The following TCF20 variants were observed in gnomAD, a reference collection of about 807,000 sequenced individuals.
TCF20 encodes transcription factor 20.
TCF20 carries 3 observed loss-of-function variants against 148.6 expected under a neutral mutation model. The ratio of observed to expected loss-of-function variants is 0.02; its 90% confidence interval spans 0.01 to 0.05. The LOEUF (loss-of-function observed/expected upper bound fraction) is 0.05. Ranked by LOEUF, TCF20 falls within the 10% of genes least tolerant of loss-of-function variation. The pLI, the probability that TCF20 is intolerant of heterozygous loss-of-function variation, is 1.00. For synonymous variants in TCF20, 1,049 were observed against 909.5 expected (o/e 1.15, Z -2.76); for missense variants, 2,350 against 2,429.3 (o/e 0.97, Z 0.69).
intron 1 of TCF20, among the ~76,000 whole-genome samples, chr22:42,330,502 T>G (rs1009462408): frequency 3.3e-5 from 5 of 152,196 alleles, no homozygotes; most frequent in African/African-American, 1.2e-4. Context: ...GGAAGTCTTT[T>G]CTATCCCCTA....
chr22:42,318,387 T>C (rs1927671899), intron 1 of TCF20, among the ~76,000 whole-genome samples: 1 of 151,810 alleles, frequency 6.6e-6, no homozygotes, highest in Non-Finnish European at 1.5e-5. Flanking sequence ...AAATATACAA[T>C]AACACCCTCC....
chr22:42,275,482 C>A (rs1366123594), upstream of TCF20, among the ~76,000 whole-genome samples: 1 of 152,214 alleles, frequency 6.6e-6, no homozygotes, highest in Non-Finnish European at 1.5e-5. Flanking sequence ...GGACTCTCAT[C>A]GGGCCAGTCA....
At chr22:42,295,175 C>T (rs551023225) in intron 1 of TCF20, among the ~76,000 whole-genome samples, 2 of 152,290 alleles carry the variant, frequency 1.3e-5, no homozygotes, top group South Asian at 4.2e-4. Flanking sequence ...CCAGCCTGGG[C>T]CCTTCCTCCT....
intron 2 of TCF20, among the ~76,000 whole-genome samples, chr22:42,192,782 CGGGGCCT>C (rs1232581633): frequency 6.6e-6 from 1 of 152,180 alleles, no homozygotes; most frequent in African/African-American, 2.4e-5. Context: ...ATGCTCAAAC[CGGGGCCT>C]TTTCTTCCTG....
At position 42,209,864 on chromosome 22, in the gene TCF20, C is replaced by T. The variant is rs549398714; in HGVS notation, c.5442G>A (p.Glu1814=). The T allele has an allele frequency of 1.3e-4, 217 of 1,614,220 alleles. 3 individuals carry two copies. The South Asian group carries it at 2.2e-3, about 16-fold the overall frequency. Reference sequence around the variant, plus strand: ...CCAAAACAGTCTTTTCACTGCTGCCCTCAGTGGCTGCTTTTTTACAAGGGA... The same window carrying T: ...CCAAAACAGTCTTTTCACTGCTGCCTTCAGTGGCTGCTTTTTTACAAGGGA... ...RGLPCKKAAT[E]GSSEKTVLDS... is the part of the protein sequence containing the mutation. Residue 1814 remains glutamate, a synonymous_variant, in exon 2 of 6, where the codon GAG becomes GAA. Transcript: ENST00000677622.
chr22:42,164,792 G>A (rs1935680880), intron 5 of TCF20, among the ~76,000 whole-genome samples: 1 of 152,220 alleles, frequency 6.6e-6, no homozygotes, highest in African/African-American at 2.4e-5. Flanking sequence ...CTGAGACCCA[G>A]GAGATGGGAG....
chr22:42,272,265 G>A (rs574630801), upstream of TCF20, among the ~76,000 whole-genome samples: 21 of 152,294 alleles, frequency 1.4e-4, no homozygotes, highest in African/African-American at 5.1e-4. Flanking sequence ...GGCTTCTCCT[G>A]GGATCAGGGC....
intron 1 of TCF20, among the ~76,000 whole-genome samples, chr22:42,307,500 A>G (rs1193093326): frequency 6.6e-6 from 1 of 152,172 alleles, no homozygotes; most frequent in African/African-American, 2.4e-5. Flanking sequence ...CGGGATGTAA[A>G]TTCAGACTAA....
chr22:42,310,722 G>A (rs1230153156), intron 1 of TCF20, among the ~76,000 whole-genome samples: 3 of 152,186 alleles, frequency 2.0e-5, no homozygotes, highest in African/African-American at 7.2e-5. Context: ...CAGGCAATGG[G>A]TGGCCAGGCC....
chr22:42,232,325 G>C (rs1555936970), intron 1 of TCF20, among the ~76,000 whole-genome samples: 1 of 151,756 alleles, frequency 6.6e-6, no homozygotes, highest in Non-Finnish European at 1.5e-5. Context: ...TAAGATGTTA[G>C]AACAACGACA....
intron 3 of TCF20, among the ~76,000 whole-genome samples, chr22:42,178,452 A>G (rs1457361652): frequency 3.9e-5 from 6 of 152,178 alleles, no homozygotes; most frequent in Non-Finnish European, 8.8e-5. Context: ...GAACCAAGCT[A>G]AACTATAGGA....
At chr22:42,161,655 G>A (rs767122355) in intron 5 of TCF20, among the ~76,000 whole-genome samples, 38 of 152,238 alleles carry the variant, frequency 2.5e-4, no homozygotes, top group Non-Finnish European at 4.0e-4. Context: ...GTACAGCAGA[G>A]AACTCCCTGA....
intron 3 of TCF20, 46 bp from the exon 4 acceptor site, chr22:42,169,942 C>T (rs750935493): frequency 3.1e-6 from 5 of 1,596,608 alleles, no homozygotes; most frequent in Non-Finnish European, 4.3e-6. Context: ...CACAGCTGGA[C>T]ATAGGTGTGG....
intron 1 of TCF20, among the ~76,000 whole-genome samples, chr22:42,262,984 T>C (rs780025611): frequency 1.2e-4 from 18 of 151,996 alleles, no homozygotes; most frequent in East Asian, 3.9e-4. Flanking sequence ...TAGCACAACA[T>C]AGACTGATGG....
chr22:42,279,887 G>A lies in TCF20; in HGVS notation c.-37+3940C>T, dbSNP rs1262950691. ...GGGCTGGATGTGGCTCCCCAGCCCCGTAGACACCACCCCAGGTGCTCCTCA... is the reference window on the plus strand; with the variant it reads ...GGGCTGGATGTGGCTCCCCAGCCCCATAGACACCACCCCAGGTGCTCCTCA... On this transcript the variant is annotated intron_variant, in intron 1 of 5. Transcript: ENST00000359486. The surrounding 1 kb of genome is among the most constrained non-coding windows in gnomAD (Gnocchi z 4.3). 4.6e-5 allele frequency among the ~76,000 whole-genome samples: 7 copies of A among 152,168 alleles called. No individual in the cohort carries two copies. Among genetic ancestry groups the A allele is most frequent in the South Asian group, 2.1e-4 (1 of 4,828 alleles).
At chr22:42,304,396 G>A (rs536228302) in intron 1 of TCF20, among the ~76,000 whole-genome samples, 20 of 152,148 alleles carry the variant, frequency 1.3e-4, no homozygotes, top group African/African-American at 3.4e-4. Flanking sequence ...ACTCCTGGAC[G>A]CATGCTGGGG....
At chr22:42,239,168 T>A (rs746168097) in intron 1 of TCF20, among the ~76,000 whole-genome samples, 1 of 150,180 alleles carries the variant, frequency 6.7e-6, no homozygotes, top group Non-Finnish European at 1.5e-5. Flanking sequence ...CAGATCTTCA[T>A]GACAGATAAC....
chr22:42,214,892 C>G lies in TCF20; in HGVS notation c.414G>C (p.Gln138His). ...CAAGGCCAGAGTGCTGTGCTTGAAACTGGCCCACATGACCCTCACTCCCAT... is the reference window on the plus strand; with the variant it reads ...CAAGGCCAGAGTGCTGTGCTTGAAAGTGGCCCACATGACCCTCACTCCCAT... ...NQYGSEGHVG[Q>H]FQAQHSGLGG... Residue 138 changes from glutamine (Q) to histidine (H), a missense_variant, in exon 2 of 6, where the codon CAG (glutamine) becomes CAC (histidine). This residue lies in a region of TCF20 where 1,641 missense variants were observed against 1,662.6 expected (regional missense o/e 0.99). Transcript: ENST00000677622. The G allele has an allele frequency of 6.2e-7, 1 of 1,614,226 alleles. No individual in the cohort carries two copies. Among genetic ancestry groups the G allele is most frequent in the Non-Finnish European group, 8.5e-7 (1 of 1,180,040 alleles).
At chr22:42,246,857 T>C (rs1293066203) in intron 1 of TCF20, among the ~76,000 whole-genome samples, 1 of 151,094 alleles carries the variant, frequency 6.6e-6, no homozygotes, top group Non-Finnish European at 1.5e-5. Flanking sequence ...TCCCAGCTAC[T>C]TGGGAGGCTG....
Sources: gnomAD v4.1 joint callset for allele counts (sites outside exome capture counted in the v4.1 genomes callset) on GRCh38, gnomAD v4.1.1 for gene constraint, gnomAD v4.1.1 regional missense constraint, Gnocchi (gnomAD v3.1) non-coding constraint, MANE v1.5 for transcripts, NCBI Gene and HGNC (gene_info 2026-07-23, HGNC 2026-07-21) for gene names.